The following STK32B variants were observed in gnomAD, a reference collection of about 807,000 sequenced individuals.
STK32B encodes the protein serine/threonine-protein kinase 32B.
In STK32B, 43 loss-of-function variants were observed where a neutral mutation model predicts 52.6. The observed-to-expected ratio is 0.82, with a 90% confidence interval of 0.64 to 1.05. The LOEUF (loss-of-function observed/expected upper bound fraction) is 1.05. STK32B is among the 50% of genes least tolerant of loss of function. The probability of loss-of-function intolerance (pLI) is 0.00; values close to 1 mark genes in which losing one functional copy is unlikely to be tolerated. For missense variants in STK32B, 621 were observed against 534.6 expected (o/e 1.16, Z -1.59); for synonymous variants, 238 against 204.3 (o/e 1.17, Z -1.41).
intron 3 of STK32B, among the ~76,000 whole-genome samples, chr4:5,199,604 G>A (rs914134236): frequency 6.6e-6 from 1 of 151,702 alleles, no homozygotes; most frequent in Admixed American, 6.6e-5. Flanking sequence ...CTTCTCTTTG[G>A]TTTTCTAATT....
intron 4 of STK32B, among the ~76,000 whole-genome samples, chr4:5,374,149 G>A (rs1735432457): frequency 6.6e-6 from 1 of 152,184 alleles, no homozygotes; most frequent in Admixed American, 6.5e-5. Flanking sequence ...ACCAGAAACT[G>A]AAAGAGGCAA....
chr4:5,100,692 T>C lies in STK32B; in HGVS notation c.53-39213T>C, dbSNP rs376641538. On this transcript the variant is annotated intron_variant, in intron 1 of 11. Coordinates refer to ENST00000282908, the MANE Select transcript of STK32B (RefSeq NM_018401.3). ...TCTTTCTTTCCTTTCTTACTTTCTT[T>C]CTTTCCTTCCTTCCTTTCTTCCTTC... is the stretch of plus-strand genomic sequence containing the variant. 1.7e-3 allele frequency among the ~76,000 whole-genome samples: 58 copies of C among 33,632 alleles called. 3 individuals carry two copies. Among genetic ancestry groups the C allele is most frequent in the East Asian group, 7.4e-3 (1 of 136 alleles). 22.1% of individuals were successfully genotyped at this position (33,632 alleles called of 152,430 possible). A position where few individuals can be genotyped will look rare whatever the true frequency, so the allele number is the denominator to read the frequency against.
At chr4:5,438,268 G>A (rs994253478) in intron 6 of STK32B, among the ~76,000 whole-genome samples, 9 of 152,178 alleles carry the variant, frequency 5.9e-5, no homozygotes, top group East Asian at 1.9e-4. Flanking sequence ...GCCCAGCTTC[G>A]GGCTCAGTGG....
chr4:5,444,376 C>T (rs970140735), intron 6 of STK32B, among the ~76,000 whole-genome samples: 6 of 152,212 alleles, frequency 3.9e-5, no homozygotes, highest in Non-Finnish European at 7.3e-5. Flanking sequence ...AGGTGCCGTC[C>T]GTCACCCCTT....
At chr4:5,130,066 C>T (rs1229299089) in intron 1 of STK32B, among the ~76,000 whole-genome samples, 2 of 151,796 alleles carry the variant, frequency 1.3e-5, no homozygotes, top group African/African-American at 4.8e-5. Context: ...CATGACAATT[C>T]CTAAAACAGA....
At chr4:5,270,750 T>A (rs1727370057) in intron 3 of STK32B, among the ~76,000 whole-genome samples, 1 of 152,222 alleles carries the variant, frequency 6.6e-6, no homozygotes, top group Non-Finnish European at 1.5e-5. Context: ...TGGGAAAGGA[T>A]GAATAAAACT....
chr4:5,193,421 G>A (rs1195231424), intron 3 of STK32B, among the ~76,000 whole-genome samples: 2 of 152,180 alleles, frequency 1.3e-5, no homozygotes, highest in Non-Finnish European at 1.5e-5. Context: ...AGGATCCTTA[G>A]GCCTTTAGCA....
intron 1 of STK32B, among the ~76,000 whole-genome samples, chr4:5,075,074 G>C (rs1712001874): frequency 6.6e-6 from 1 of 152,168 alleles, no homozygotes; most frequent in East Asian, 1.9e-4. Context: ...AGACCACCAG[G>C]GATTTCAGGG....
chr4:5,113,732 A>G (rs11942302), intron 1 of STK32B, among the ~76,000 whole-genome samples: 11,850 of 152,188 alleles, frequency 0.078, 990 homozygotes, highest in East Asian at 0.24. Context: ...GCCTACCTGT[A>G]CTAGTCTATT....
intron 3 of STK32B, among the ~76,000 whole-genome samples, chr4:5,240,316 G>T (rs1019566799): frequency 6.6e-5 from 10 of 151,884 alleles, no homozygotes; most frequent in African/African-American, 2.4e-4. Context: ...TCACTTGTGT[G>T]TGTGTTTCAG....
intron 1 of STK32B, among the ~76,000 whole-genome samples, chr4:5,105,592 A>C (rs372609839): frequency 2.6e-5 from 4 of 151,606 alleles, no homozygotes; most frequent in South Asian, 2.1e-4. Flanking sequence ...GAGACGGAGT[A>C]TCGCACTCTC....
intron 1 of STK32B, among the ~76,000 whole-genome samples, chr4:5,054,858 A>G (rs1741937016): frequency 6.6e-6 from 1 of 152,210 alleles, no homozygotes; most frequent in Non-Finnish European, 1.5e-5. Context: ...CCACATTCCT[A>G]AGGCAAAAGT....
chr4:5,208,447 A>G (rs1046466441), intron 3 of STK32B, among the ~76,000 whole-genome samples: 1 of 152,366 alleles, frequency 6.6e-6, no homozygotes, highest in East Asian at 1.9e-4. Context: ...TTCTTACTGC[A>G]TATACAACAC....
chr4:5,249,127 G>T (rs1304587435), intron 3 of STK32B, among the ~76,000 whole-genome samples: 3 of 152,068 alleles, frequency 2.0e-5, no homozygotes, highest in Admixed American at 1.3e-4. Context: ...CAATACTTTT[G>T]CAGTGTGCTA....
rs1723111379 is a variant in STK32B, at chr4:5,215,151, A to C, written c.260+46701A>C. ...CTCTGGGAACAAACAATGACATAAA[A>C]ATATGTAGAATCCTTTCCCTTCTGC... is the stretch of plus-strand genomic sequence containing the variant. On this transcript the variant is annotated intron_variant, in intron 3 of 11. Transcript: ENST00000282908. Among the ~76,000 whole-genome samples the C allele has an allele frequency of 2.0e-5, 3 of 152,334 alleles. No homozygotes were observed. The South Asian group carries it at 6.2e-4, about 32-fold the overall frequency.
intron 3 of STK32B, among the ~76,000 whole-genome samples, chr4:5,293,855 T>C (rs1489670298): frequency 6.6e-6 from 1 of 152,202 alleles, no homozygotes; most frequent in Non-Finnish European, 1.5e-5. Flanking sequence ...AGTCATGAAG[T>C]CTTTGCCCAT....
chr4:5,228,490 C>T (rs780780558), intron 3 of STK32B, among the ~76,000 whole-genome samples: 2 of 152,132 alleles, frequency 1.3e-5, no homozygotes, highest in Non-Finnish European at 2.9e-5. Flanking sequence ...GCTTCAGTGG[C>T]TTCTTCATTT....
intron 3 of STK32B, among the ~76,000 whole-genome samples, chr4:5,216,603 A>G (rs1057420713): frequency 5.3e-5 from 8 of 152,198 alleles, no homozygotes; most frequent in African/African-American, 1.9e-4. Context: ...TCTAATGAGA[A>G]CAGCATGGAT....
chr4:5,205,708 G>GCT (rs879611096), intron 3 of STK32B, among the ~76,000 whole-genome samples: 3 of 133,114 alleles, frequency 2.3e-5, no homozygotes, highest in Non-Finnish European at 3.3e-5. Flanking sequence ...GCGCGCGTGT[G>GCT]TGTGTGTGTG....
Sources: gnomAD v4.1 joint callset for allele counts (sites outside exome capture counted in the v4.1 genomes callset) on GRCh38, gnomAD v4.1.1 for gene constraint, MANE v1.5 for transcripts, NCBI Gene and HGNC (gene_info 2026-07-23, HGNC 2026-07-21) for gene names.